The following DLG2 variants were observed in gnomAD, a reference collection of about 807,000 sequenced individuals.
The protein encoded by DLG2 is discs large MAGUK scaffold protein 2.
A neutral mutation model predicts 132.5 loss-of-function variants in DLG2; 45 were observed. That is an observed-to-expected ratio of 0.34 (90% CI 0.27 to 0.44). DLG2 has a LOEUF of 0.44. Among genes scored for constraint, DLG2 ranks in the 20% least tolerant of loss-of-function variants. DLG2 has a pLI of 1.00. For synonymous variants in DLG2, 424 were observed against 419.6 expected (o/e 1.01, Z -0.13); for missense variants, 1,045 against 1,196.9 (o/e 0.87, Z 1.87).
At chr11:84,571,740 T>C (rs2099485587) in intron 6 of DLG2, among the ~76,000 whole-genome samples, 1 of 151,938 alleles carries the variant, frequency 6.6e-6, no homozygotes, top group African/African-American at 2.4e-5. Flanking sequence ...ACAGAGTGAG[T>C]GGTGTGGATA....
chr11:85,174,788 C>T lies in DLG2; in HGVS notation c.187-20137G>A, dbSNP rs144528781. Among the ~76,000 whole-genome samples the T allele has an allele frequency of 3.5e-3, 535 of 152,122 alleles. 3 individuals carry two copies. The highest frequency in any genetic ancestry group is 0.013 in the African/African-American group (521 of 41,508). ...TCAGAAATGATAAGGGGGATATCAC[C>T]GCTGACCCCATAGAAATACAAACAA... On this transcript the variant is annotated intron_variant, in intron 4 of 27. Transcript: ENST00000376104.
At chr11:84,252,857 T>C (rs1374194851) in intron 7 of DLG2, among the ~76,000 whole-genome samples, 1 of 152,176 alleles carries the variant, frequency 6.6e-6, no homozygotes, top group Admixed American at 6.5e-5. Flanking sequence ...GACATGGTGG[T>C]TTTGGAAAGT....
chr11:85,373,612 G>GC (rs2085163194), intron 3 of DLG2, among the ~76,000 whole-genome samples: 1 of 152,148 alleles, frequency 6.6e-6, no homozygotes, highest in Non-Finnish European at 1.5e-5. Flanking sequence ...GAGGAGCCTG[G>GC]CCCCTCTTCT....
chr11:83,474,325 C>A (rs1017993277), intron 22 of DLG2, among the ~76,000 whole-genome samples: 1 of 152,060 alleles, frequency 6.6e-6, no homozygotes, highest in Non-Finnish European at 1.5e-5. Context: ...TTATCTAAAG[C>A]CTGAGCGATG....
intron 7 of DLG2, among the ~76,000 whole-genome samples, chr11:84,341,683 C>T (rs1328119273): frequency 6.6e-6 from 1 of 152,202 alleles, no homozygotes; most frequent in African/African-American, 2.4e-5. Context: ...CTAGATAAAC[C>T]CACTGCTAGA....
At chr11:85,175,967 C>T (rs1313151136) in intron 4 of DLG2, among the ~76,000 whole-genome samples, 1 of 151,954 alleles carries the variant, frequency 6.6e-6, no homozygotes, top group South Asian at 2.1e-4. Context: ...TCAGAGAGGA[C>T]AAAAACAAAT....
chr11:84,877,226 G>A lies in DLG2; in HGVS notation c.357+234435C>T, dbSNP rs572058253. 3.9e-5 allele frequency among the ~76,000 whole-genome samples: 6 copies of A among 152,092 alleles called. No homozygotes were observed. The South Asian group carries it at 8.3e-4, about 21-fold the overall frequency. ...CTGCTTGGTCCAGAGCTGAGTTCAAGTCCTGAATATTCTTGTTAATTTTCT... is the reference window on the plus strand; with the variant it reads ...CTGCTTGGTCCAGAGCTGAGTTCAAATCCTGAATATTCTTGTTAATTTTCT... On this transcript the variant is annotated intron_variant, in intron 6 of 27. Coordinates refer to ENST00000376104, the MANE Select transcript of DLG2 (RefSeq NM_001142699.3).
At chr11:83,575,912 A>G (rs948267251) in intron 19 of DLG2, among the ~76,000 whole-genome samples, 1 of 152,214 alleles carries the variant, frequency 6.6e-6, no homozygotes, top group Non-Finnish European at 1.5e-5. Flanking sequence ...GAAGTAGAAC[A>G]ATATGACTGA....
chr11:83,569,544 A>G (rs1287351861), intron 19 of DLG2, among the ~76,000 whole-genome samples: 3 of 152,200 alleles, frequency 2.0e-5, no homozygotes. Flanking sequence ...ACTTTAGGTT[A>G]TACAAAAGCC....
intron 4 of DLG2, among the ~76,000 whole-genome samples, chr11:85,213,770 C>G (rs1468703241): frequency 6.6e-6 from 1 of 152,078 alleles, no homozygotes; most frequent in African/African-American, 2.4e-5. Flanking sequence ...TATGTCTCAA[C>G]TTTGGAATGC....
At chr11:84,003,948 T>C (rs1490830872) in intron 11 of DLG2, among the ~76,000 whole-genome samples, 2 of 151,958 alleles carry the variant, frequency 1.3e-5, no homozygotes, top group Non-Finnish European at 2.9e-5. Flanking sequence ...GAAATAGTAA[T>C]AAAAAGTCTC....
chr11:85,584,177 G>A lies in DLG2; in HGVS notation c.40+14480C>T, dbSNP rs1210303566. ...TTCCTTCACCCTCTGCCCTCTTGAT[G>A]CCTCTCCATCCTTGTAGCTTGGTTC... On this transcript the variant is annotated intron_variant, in intron 3 of 27. Coordinates refer to ENST00000376104, the MANE Select transcript of DLG2 (RefSeq NM_001142699.3). 2.0e-5 allele frequency among the ~76,000 whole-genome samples: 3 copies of A among 152,120 alleles called. No individual in the cohort carries two copies. The East Asian group carries it at 5.8e-4, about 29-fold the overall frequency.
chr11:85,121,259 T>C lies in DLG2; in HGVS notation c.283-9524A>G, dbSNP rs554104195. Among the ~76,000 whole-genome samples the C allele has an allele frequency of 2.0e-5, 3 of 152,074 alleles. No individual in the cohort carries two copies. The South Asian group carries it at 6.2e-4, about 31-fold the overall frequency. On this transcript the variant is annotated intron_variant, in intron 5 of 27. Coordinates refer to ENST00000376104, the MANE Select transcript of DLG2 (RefSeq NM_001142699.3). ...TTATATTATTTCTCCAATTATTTTA[T>C]AACCTGATAATTTAGGAGAATAACA... is the stretch of plus-strand genomic sequence containing the variant.
At chr11:83,683,593 C>T (rs1325597088) in intron 18 of DLG2, among the ~76,000 whole-genome samples, 4 of 152,114 alleles carry the variant, frequency 2.6e-5, no homozygotes, top group African/African-American at 4.8e-5. Flanking sequence ...TTTACTAAAA[C>T]GCAGATTGTT....
chr11:84,238,054 A>T (rs935352727), intron 8 of DLG2, among the ~76,000 whole-genome samples: 1 of 151,152 alleles, frequency 6.6e-6, no homozygotes, highest in Non-Finnish European at 1.5e-5. Context: ...AAAAAAAAAA[A>T]AAAAAAAAAA....
intron 11 of DLG2, among the ~76,000 whole-genome samples, chr11:84,043,568 T>C (rs986538916): frequency 2.6e-5 from 4 of 151,734 alleles, no homozygotes; most frequent in Non-Finnish European, 5.9e-5. Flanking sequence ...CCAGTGTATG[T>C]TGTTTCTCTG....
intron 6 of DLG2, among the ~76,000 whole-genome samples, chr11:84,574,617 C>A (rs934059373): frequency 6.6e-6 from 1 of 152,128 alleles, no homozygotes; most frequent in Non-Finnish European, 1.5e-5. Flanking sequence ...ACTCATAAAT[C>A]CATCCAGAAG....
At chr11:83,627,261 G>T (rs972919852) in intron 19 of DLG2, among the ~76,000 whole-genome samples, 1 of 151,128 alleles carries the variant, frequency 6.6e-6, no homozygotes, top group African/African-American at 2.4e-5. Context: ...CAACATGCAG[G>T]TTTGTTACAT....
At chr11:85,412,465 A>G (rs1471713384) in intron 3 of DLG2, among the ~76,000 whole-genome samples, 1 of 151,642 alleles carries the variant, frequency 6.6e-6, no homozygotes, top group African/African-American at 2.4e-5. Flanking sequence ...TAATGCACCC[A>G]TCACCTGGGC....
Sources: allele counts gnomAD v4.1 joint callset (sites outside exome capture counted in the v4.1 genomes callset), GRCh38; gene constraint gnomAD v4.1.1; transcripts MANE v1.5; gene names NCBI Gene and HGNC (gene_info 2026-07-23, HGNC 2026-07-21).